GLIS3: variants seen among roughly 807,000 people sequenced by gnomAD.
GLIS3 encodes the protein GLIS family zinc finger 3.
In GLIS3, 53 loss-of-function variants were observed where a neutral mutation model predicts 78.6. The observed-to-expected ratio is 0.67, with a 90% CI of 0.54 to 0.85. GLIS3 has a LOEUF of 0.85. Among genes scored for constraint, GLIS3 ranks in the 40% least tolerant of loss-of-function variants. The pLI, the probability that GLIS3 is intolerant of heterozygous loss-of-function variation, is 0.00. For synonymous variants in GLIS3, 684 were observed against 509.9 expected (o/e 1.34, Z -4.60); for missense variants, 1,703 against 1,231.1 (o/e 1.38, Z -5.74).
At chr9:3,885,483 C>T (rs796432175) in intron 7 of GLIS3, among the ~76,000 whole-genome samples, 4 of 152,196 alleles carry the variant, frequency 2.6e-5, no homozygotes, top group African/African-American at 4.8e-5. Flanking sequence ...TGTGAATTCA[C>T]GTATAAGTAG....
intron 2 of GLIS3, chr9:4,144,992 C>T (rs1351601239): frequency 1.4e-4 from 22 of 152,208 alleles, no homozygotes; most frequent in Non-Finnish European, 1.0e-4. Context: ...AGGCAGTGTC[C>T]TTTTGTTTTT....
At chr9:3,940,851 C>T (rs1815841840) in intron 4 of GLIS3, among the ~76,000 whole-genome samples, 1 of 151,954 alleles carries the variant, frequency 6.6e-6, no homozygotes, top group Non-Finnish European at 1.5e-5. Flanking sequence ...TTATTTTTTC[C>T]CAAAAAATAC....
chr9:4,477,395 G>T, the GLIS3 span, among the ~76,000 whole-genome samples: 3 of 142,592 alleles, frequency 2.1e-5, no homozygotes, highest in Non-Finnish European at 4.6e-5. Flanking sequence ...TGGGGAATAG[G>T]ACATTAGTGT....
intron 4 of GLIS3, among the ~76,000 whole-genome samples, chr9:3,941,140 A>G (rs915251360): frequency 1.6e-4 from 24 of 152,214 alleles, no homozygotes; most frequent in African/African-American, 5.8e-4. Flanking sequence ...AATGCCATTC[A>G]TACTGTGATC....
At chr9:4,059,868 AAG>A (rs1247894742) in intron 4 of GLIS3, among the ~76,000 whole-genome samples, 1 of 102,056 alleles carries the variant, frequency 9.8e-6, no homozygotes, top group African/African-American at 3.8e-5. Context: ...GAGAGAGAGA[AAG>A]AGAGAGACTG....
At chr9:4,073,729 C>A (rs910254757) in intron 4 of GLIS3, among the ~76,000 whole-genome samples, 1 of 152,180 alleles carries the variant, frequency 6.6e-6, no homozygotes, top group South Asian at 2.1e-4. Flanking sequence ...CTTGCTCCCC[C>A]AATAGCTTAG....
chr9:4,475,754 A>C, the GLIS3 span, among the ~76,000 whole-genome samples: 2 of 152,190 alleles, frequency 1.3e-5, no homozygotes, highest in East Asian at 3.8e-4. Flanking sequence ...TATGAATATA[A>C]CTGTGTGTTT....
intron 2 of GLIS3, among the ~76,000 whole-genome samples, chr9:4,223,975 C>T (rs1821545213): frequency 6.6e-6 from 1 of 151,828 alleles, no homozygotes; most frequent in Admixed American, 6.6e-5. Flanking sequence ...AATTCAACAG[C>T]TTCTACACTT....
chr9:4,241,491 G>C (rs1234158938), intron 2 of GLIS3, among the ~76,000 whole-genome samples: 1 of 152,004 alleles, frequency 6.6e-6, no homozygotes, highest in Non-Finnish European at 1.5e-5. Flanking sequence ...GACAATACTT[G>C]AGGTGATGTA....
intron 4 of GLIS3, among the ~76,000 whole-genome samples, chr9:4,030,979 CA>C (rs1041443085): frequency 1.3e-5 from 2 of 152,026 alleles, no homozygotes; most frequent in African/African-American, 4.8e-5. Context: ...GGATGGCTAC[CA>C]AAAAAATGGA....
the GLIS3 span, among the ~76,000 whole-genome samples, chr9:4,418,528 G>C: frequency 6.6e-6 from 1 of 152,076 alleles, no homozygotes; most frequent in East Asian, 1.9e-4. Flanking sequence ...GTGAAGCCCC[G>C]TGTCTACTAA....
At chr9:3,910,606 T>C (rs918891605) in intron 6 of GLIS3, among the ~76,000 whole-genome samples, 4 of 152,220 alleles carry the variant, frequency 2.6e-5, no homozygotes, top group Non-Finnish European at 4.4e-5. Flanking sequence ...CCACTTTGGC[T>C]TCCCAAGGTG....
At chr9:3,953,807 A>C (rs1308313919) in intron 4 of GLIS3, among the ~76,000 whole-genome samples, 122 of 146,400 alleles carry the variant, frequency 8.3e-4, no homozygotes, top group South Asian at 1.7e-3. Context: ...ATATATATAT[A>C]TATATATATA....
the GLIS3 span, among the ~76,000 whole-genome samples, chr9:4,418,920 A>G: frequency 6.6e-6 from 1 of 152,186 alleles, no homozygotes; most frequent in East Asian, 1.9e-4. Flanking sequence ...GCTGCCCTGC[A>G]TGGTAGAAAT....
At chr9:4,093,414 G>A (rs974724964) in intron 4 of GLIS3, among the ~76,000 whole-genome samples, 5 of 152,208 alleles carry the variant, frequency 3.3e-5, no homozygotes, top group Non-Finnish European at 5.9e-5. Flanking sequence ...GAAGACAGAG[G>A]AGAGCAGACT....
intron 4 of GLIS3, among the ~76,000 whole-genome samples, chr9:4,112,862 A>G (rs566955421): frequency 1.3e-5 from 2 of 152,282 alleles, no homozygotes; most frequent in South Asian, 4.1e-4. Flanking sequence ...AGGTGGTAAT[A>G]TCTGTTTCAG....
At chr9:3,907,315 C>A (rs561977742) in intron 6 of GLIS3, among the ~76,000 whole-genome samples, 9 of 152,164 alleles carry the variant, frequency 5.9e-5, no homozygotes, top group African/African-American at 2.2e-4. Context: ...CACTAACTGC[C>A]GATTGGATTT....
chr9:4,392,245 C>T, the GLIS3 span, among the ~76,000 whole-genome samples: 108 of 128,700 alleles, frequency 8.4e-4, no homozygotes, highest in East Asian at 0.023. Context: ...TGTCGTGGGG[C>T]GGGGGTCGGG....
chr9:4,066,037 T>TAAAAAAAAAAAAA (rs375649097), intron 4 of GLIS3, among the ~76,000 whole-genome samples: 1 of 95,780 alleles, frequency 1.0e-5, no homozygotes, highest in Non-Finnish European at 2.2e-5. Flanking sequence ...ACCCAAAGAA[T>TAAAAAAAAAAAAA]ATAAAAAAAA....
Sources: allele counts gnomAD v4.1 joint callset (sites outside exome capture counted in the v4.1 genomes callset), GRCh38; gene constraint gnomAD v4.1.1; transcripts MANE v1.5; gene names NCBI Gene and HGNC (gene_info 2026-07-23, HGNC 2026-07-21).